The following CACNA2D3 variants were observed in gnomAD, a reference collection of about 807,000 sequenced individuals.
CACNA2D3 encodes the protein voltage-dependent calcium channel subunit alpha-2/delta-3.
Under a neutral mutation model 160.6 loss-of-function variants are expected in CACNA2D3, and 60 were observed. The ratio of observed to expected loss-of-function variants is 0.37; its 90% confidence interval spans 0.30 to 0.46. The LOEUF is 0.46. Among genes scored for constraint, CACNA2D3 ranks in the 20% least tolerant of loss-of-function variants. CACNA2D3 has a pLI of 1.00. For synonymous variants in CACNA2D3, 558 were observed against 492.9 expected (o/e 1.13, Z -1.75); for missense variants, 1,205 against 1,365.0 (o/e 0.88, Z 1.85).
chr3:54,356,362 T>C (rs1288373214), intron 3 of CACNA2D3, among the ~76,000 whole-genome samples: 5 of 152,198 alleles, frequency 3.3e-5, no homozygotes, highest in Non-Finnish European at 7.3e-5. Context: ...AGCTTTGCTT[T>C]TTCTCTTTGC....
intron 9 of CACNA2D3, among the ~76,000 whole-genome samples, chr3:54,589,267 T>C (rs1200288685): frequency 6.6e-6 from 1 of 152,022 alleles, no homozygotes; most frequent in South Asian, 2.1e-4. Context: ...AACAATTCGA[T>C]GGAGGAAGGA....
intron 11 of CACNA2D3, among the ~76,000 whole-genome samples, chr3:54,729,900 A>G (rs752356342): frequency 1.3e-5 from 2 of 151,322 alleles, no homozygotes; most frequent in African/African-American, 2.4e-5. Context: ...TCAGGAGGCT[A>G]AGGCAGGAGA....
chr3:54,996,522 G>A (rs1244214897), intron 31 of CACNA2D3, among the ~76,000 whole-genome samples: 1 of 152,216 alleles, frequency 6.6e-6, no homozygotes, highest in African/African-American at 2.4e-5. Context: ...GACAGGGACT[G>A]TCTTGATGCT....
intron 13 of CACNA2D3, among the ~76,000 whole-genome samples, chr3:54,791,746 T>TA (rs1255621724): frequency 6.6e-6 from 1 of 151,830 alleles, no homozygotes. Flanking sequence ...GATTTTGCTT[T>TA]AAAAAAAAAT....
chr3:54,585,371 CAG>C (rs1374007510), intron 9 of CACNA2D3, among the ~76,000 whole-genome samples: 1 of 151,890 alleles, frequency 6.6e-6, no homozygotes, highest in Non-Finnish European at 1.5e-5. Flanking sequence ...GAAAACAATA[CAG>C]AGAGTTATTC....
chr3:54,149,932 C>CTCT (rs1559863353), intron 2 of CACNA2D3, among the ~76,000 whole-genome samples: 19 of 23,800 alleles, frequency 8.0e-4, no homozygotes, highest in East Asian at 2.7e-3. Context: ...TCTCTCTCTC[C>CTCT]CTCCCTCCCT....
At chr3:54,777,199 A>G (rs977561244) in intron 13 of CACNA2D3, among the ~76,000 whole-genome samples, 2 of 152,188 alleles carry the variant, frequency 1.3e-5, no homozygotes, top group African/African-American at 4.8e-5. Flanking sequence ...TGTGTTATCT[A>G]TGAGGCCATG....
At chr3:54,556,927 G>T (rs772285120) in intron 5 of CACNA2D3, among the ~76,000 whole-genome samples, 35 of 152,154 alleles carry the variant, frequency 2.3e-4, no homozygotes, top group Non-Finnish European at 2.8e-4. Flanking sequence ...CTGTCCCGTG[G>T]GTTACTTCAT....
chr3:54,427,258 A>G (rs1283910111), intron 4 of CACNA2D3, among the ~76,000 whole-genome samples: 2 of 152,150 alleles, frequency 1.3e-5, no homozygotes, highest in Non-Finnish European at 2.9e-5. Flanking sequence ...CATAAAACAC[A>G]ATTTTTGAAA....
intron 2 of CACNA2D3, among the ~76,000 whole-genome samples, chr3:54,282,352 T>G (rs567849808): frequency 1.3e-5 from 2 of 152,330 alleles, no homozygotes; most frequent in African/African-American, 2.4e-5. Context: ...GATGCCACTT[T>G]ATAAGACTAA....
intron 4 of CACNA2D3, among the ~76,000 whole-genome samples, chr3:54,433,920 G>T (rs1348342733): frequency 6.6e-6 from 1 of 152,154 alleles, no homozygotes; most frequent in Non-Finnish European, 1.5e-5. Context: ...AATGATCTTC[G>T]CATGCTCCTA....
chr3:54,987,893 G>GAA (rs1277998834), intron 31 of CACNA2D3, 140 bp downstream of exon 31: 2 of 593,004 alleles, frequency 3.4e-6, no homozygotes, highest in African/African-American at 3.8e-5. Context: ...AGATCTCTCT[G>GAA]AAATTCGATG....
At chr3:54,591,993 A>G (rs1366634262) in intron 9 of CACNA2D3, among the ~76,000 whole-genome samples, 1 of 152,114 alleles carries the variant, frequency 6.6e-6, no homozygotes, top group African/African-American at 2.4e-5. Context: ...CGTACCTTTC[A>G]TCTTAGGACT....
At chr3:54,580,236 G>A (rs1702651803) in intron 8 of CACNA2D3, among the ~76,000 whole-genome samples, 2 of 152,036 alleles carry the variant, frequency 1.3e-5, no homozygotes, top group Admixed American at 1.3e-4. Context: ...CTGCCTAGGT[G>A]CAGTAAGTGC....
At chr3:54,315,755 GCTT>G (rs1053708894) in intron 2 of CACNA2D3, among the ~76,000 whole-genome samples, 52 of 152,028 alleles carry the variant, frequency 3.4e-4, no homozygotes, top group African/African-American at 1.0e-3. Context: ...CACGTGAAAA[GCTT>G]CTGGCACCAT....
chr3:54,875,952 C>T (rs1311593804), intron 18 of CACNA2D3, among the ~76,000 whole-genome samples: 2 of 152,166 alleles, frequency 1.3e-5, no homozygotes, highest in African/African-American at 4.8e-5. Flanking sequence ...ATGGAAAAAT[C>T]AAGGTATGCC....
At chr3:55,010,828 C>T (rs559560576) in intron 34 of CACNA2D3, among the ~76,000 whole-genome samples, 6 of 152,308 alleles carry the variant, frequency 3.9e-5, no homozygotes, top group Admixed American at 1.3e-4. Context: ...TCAGCTCATG[C>T]GTTATCCTAT....
chr3:54,480,234 G>A (rs1700911126), intron 4 of CACNA2D3, among the ~76,000 whole-genome samples: 1 of 152,126 alleles, frequency 6.6e-6, no homozygotes, highest in African/African-American at 2.4e-5. Flanking sequence ...TGTGCTACAG[G>A]TGTTCCTCCT....
intron 9 of CACNA2D3, among the ~76,000 whole-genome samples, chr3:54,596,386 C>T (rs1702954966): frequency 6.6e-6 from 1 of 152,184 alleles, no homozygotes. Context: ...GAGGACTTCC[C>T]TGCTTGCATT....
Sources: gnomAD v4.1 joint callset for allele counts (sites outside exome capture counted in the v4.1 genomes callset) on GRCh38, gnomAD v4.1.1 for gene constraint, MANE v1.5 for transcripts, NCBI Gene and HGNC (gene_info 2026-07-23, HGNC 2026-07-21) for gene names.